IMPG1: variants seen among roughly 807,000 people sequenced by gnomAD.
IMPG1 encodes interphotoreceptor matrix proteoglycan of 150 kDa.
In IMPG1, 85 loss-of-function variants were observed where a neutral mutation model predicts 92.0. The observed-to-expected ratio is 0.92, with a 90% CI of 0.78 to 1.11. The LOEUF is 1.11. IMPG1 is among the 50% of genes least tolerant of loss of function. The pLI is 0.00. For missense variants in IMPG1, 1,022 were observed against 956.0 expected (o/e 1.07, Z -0.91); for synonymous variants, 367 against 334.1 (o/e 1.10, Z -1.08).
rs1429366877 is a variant in IMPG1, at chr6:76,062,871, TTC to T, written c.67+9549_67+9550del. ...GCAAGTTAGGTTTTTTTTTTTTTTT[TTC>T]CCCTAGTATGGCTAACTGGAGAGAA... On this transcript the variant is annotated intron_variant, in intron 1 of 16. Coordinates refer to ENST00000369950, the MANE Select transcript of IMPG1 (RefSeq NM_001563.4). Among the ~76,000 whole-genome samples, 47 of 118,510 alleles carry T rather than the reference TTC, an allele frequency of 4.0e-4. 1 individual carries two copies. The South Asian group carries it at 8.3e-3, about 21-fold the overall frequency. The allele number at this position is 118,510 out of a possible 152,430, so 77.7% of individuals were successfully genotyped here. A position where few individuals can be genotyped will look rare whatever the true frequency, so the allele number is the denominator to read the frequency against.
intron 16 of IMPG1, among the ~76,000 whole-genome samples, chr6:75,922,717 C>A (rs2149446697): frequency 6.6e-6 from 1 of 152,272 alleles, no homozygotes; most frequent in Middle Eastern, 3.4e-3. Context: ...GTCCTATTGT[C>A]ATTTTATGGC....
At chr6:76,018,970 G>A in intron 6 of IMPG1, 112 bp from the exon 7 acceptor site, 1 of 989,276 alleles carries the variant, frequency 1.0e-6, no homozygotes, top group Non-Finnish European at 1.4e-6. Flanking sequence ...GAAGGCTTAA[G>A]TGTTTTGCAA....
intron 13 of IMPG1, among the ~76,000 whole-genome samples, chr6:75,948,874 T>C (rs1212514600): frequency 6.6e-6 from 1 of 152,170 alleles, no homozygotes; most frequent in Non-Finnish European, 1.5e-5. Flanking sequence ...TTCCCTCAGC[T>C]TCCTCTCTGC....
At chr6:76,018,473 T>C (rs923040737) in intron 7 of IMPG1, among the ~76,000 whole-genome samples, 2 of 152,186 alleles carry the variant, frequency 1.3e-5, no homozygotes, top group Non-Finnish European at 1.5e-5. Flanking sequence ...ACCGAAACTG[T>C]GGATAGAGGG....
chr6:76,015,066 T>G (rs1445372346), intron 7 of IMPG1, among the ~76,000 whole-genome samples: 1 of 152,234 alleles, frequency 6.6e-6, no homozygotes, highest in Non-Finnish European at 1.5e-5. Context: ...CCTCCCTGAT[T>G]CTGCTGGAAT....
chr6:75,947,222 G>A, intron 14 of IMPG1, 92 bp downstream of exon 14: 1 of 928,356 alleles, frequency 1.1e-6, no homozygotes, highest in Middle Eastern at 2.2e-4. Flanking sequence ...TGATTTTTGT[G>A]GCCTAAAGAT....
At chr6:75,947,198 G>T in intron 14 of IMPG1, 116 bp downstream of exon 14, 1 of 727,522 alleles carries the variant, frequency 1.4e-6, no homozygotes, top group Non-Finnish European at 2.3e-6. Context: ...ATTTCATCTG[G>T]TATCATTTCA....
chr6:75,934,801 C>A, intron 14 of IMPG1: 1 of 330,244 alleles, frequency 3.0e-6, no homozygotes, highest in East Asian at 8.3e-5. Flanking sequence ...CCCCCCTTCC[C>A]GTCCCGCCCC....
intron 1 of IMPG1, among the ~76,000 whole-genome samples, chr6:76,048,980 A>G (rs1367693103): frequency 6.6e-6 from 1 of 152,250 alleles, no homozygotes; most frequent in African/African-American, 2.4e-5. Flanking sequence ...TGGATAAAGA[A>G]AATGTGGTAC....
chr6:75,927,203 A>G (rs1411133686), intron 15 of IMPG1, among the ~76,000 whole-genome samples: 2 of 152,074 alleles, frequency 1.3e-5, no homozygotes, highest in Non-Finnish European at 2.9e-5. Flanking sequence ...GGGGCATCTA[A>G]TTTATTCCTT....
chr6:76,043,872 C>A (rs1203317177), intron 1 of IMPG1, among the ~76,000 whole-genome samples: 1 of 152,194 alleles, frequency 6.6e-6, no homozygotes, highest in Non-Finnish European at 1.5e-5. Context: ...CCATCAAATT[C>A]CCCTGATGAT....
At chr6:76,066,043 T>A (rs1784303530) in intron 1 of IMPG1, among the ~76,000 whole-genome samples, 1 of 152,044 alleles carries the variant, frequency 6.6e-6, no homozygotes, top group Non-Finnish European at 1.5e-5. Flanking sequence ...ATTTGTCACC[T>A]CTAGACCACC....
intron 2 of IMPG1, among the ~76,000 whole-genome samples, chr6:76,038,427 C>G (rs1454172487): frequency 6.6e-6 from 1 of 151,960 alleles, no homozygotes; most frequent in Non-Finnish European, 1.5e-5. Flanking sequence ...TTTGTGGCTC[C>G]TCTGATGTTA....
chr6:75,992,959 T>C (rs1314106422), intron 12 of IMPG1, among the ~76,000 whole-genome samples: 1 of 152,238 alleles, frequency 6.6e-6, no homozygotes, highest in Non-Finnish European at 1.5e-5. Context: ...TTAGTCTATG[T>C]AAAGTTAAAG....
At chr6:76,070,250 A>G (rs919900172) in intron 1 of IMPG1, among the ~76,000 whole-genome samples, 2 of 152,198 alleles carry the variant, frequency 1.3e-5, no homozygotes, top group Non-Finnish European at 2.9e-5. Context: ...CTAATCTCAG[A>G]GGAATGCAAA....
At chr6:75,979,978 A>G (rs1782601859) in intron 12 of IMPG1, among the ~76,000 whole-genome samples, 1 of 152,210 alleles carries the variant, frequency 6.6e-6, no homozygotes, top group Non-Finnish European at 1.5e-5. Context: ...TGAAAAAAGG[A>G]TGAGAAATGA....
chr6:75,925,243 G>T (rs1343054703), intron 15 of IMPG1, among the ~76,000 whole-genome samples: 1 of 146,688 alleles, frequency 6.8e-6, no homozygotes, highest in Admixed American at 6.9e-5. Context: ...GTACAATTGT[G>T]TGTCAGTTAA....
At chr6:75,951,705 T>C (rs544357251) in intron 12 of IMPG1, among the ~76,000 whole-genome samples, 2 of 152,306 alleles carry the variant, frequency 1.3e-5, no homozygotes, top group African/African-American at 2.4e-5. Flanking sequence ...AAAATGATAC[T>C]GGGAGTATAA....
In IMPG1 at chr6:76,048,718, T is replaced by A. The variant is rs185241545; in HGVS notation, c.68-6592A>T. 2.1e-3 allele frequency among the ~76,000 whole-genome samples: 318 copies of A among 152,330 alleles called. 1 individual carries two copies. Among genetic ancestry groups the A allele is most frequent in the Non-Finnish European group, 3.6e-3 (243 of 68,020 alleles). On this transcript the variant is annotated intron_variant, in intron 1 of 16. Transcript: ENST00000369950. ...CTCTCTATAGCATGTTTCCTCCAGA[T>A]ACTAGCTCATTTTTCTGTTTACACT...
Sources: gnomAD v4.1 joint callset for allele counts (sites outside exome capture counted in the v4.1 genomes callset) on GRCh38, gnomAD v4.1.1 for gene constraint, MANE v1.5 for transcripts, NCBI Gene and HGNC (gene_info 2026-07-23, HGNC 2026-07-21) for gene names.